THAP8: variants seen among roughly 807,000 people sequenced by gnomAD.
THAP8 encodes the protein THAP domain containing 8, also known as THAP domain-containing protein 8.
In THAP8, 24 loss-of-function variants were observed where a neutral mutation model predicts 25.0. The observed-to-expected ratio is 0.96, with a 90% CI of 0.69 to 1.35. THAP8 has a LOEUF of 1.35. Among genes scored for constraint, THAP8 ranks in the 40% most tolerant of loss-of-function variants. The pLI, the probability that THAP8 is intolerant of heterozygous loss-of-function variation, is 0.00. For missense variants in THAP8, 399 were observed against 368.8 expected (o/e 1.08, Z -0.67); for synonymous variants, 169 against 157.6 (o/e 1.07, Z -0.54).
chr19:36,045,479 G>A (rs2145447281), intron 1 of THAP8, among the ~76,000 whole-genome samples: 1 of 152,074 alleles, frequency 6.6e-6, no homozygotes, highest in African/African-American at 2.4e-5. Context: ...TTGTTGCCCA[G>A]GCTGGTCTCA....
Position 36,035,600 on chromosome 19 carries a change from AAAG to A in THAP8, c.673-11_673-9del, listed in dbSNP as rs770009429. ...AAGGGTCTGGGCTGTTGTCTAAGGC[AAAG>A]AAGTGGTAGAGATGGGGAACATTAC... On this transcript the variant is annotated splice_polypyrimidine_tract_variant and intron_variant, in intron 3 of 3. Transcript: ENST00000292894. The A allele has an allele frequency of 1.2e-5, 20 of 1,611,222 alleles. No homozygotes were observed. Among genetic ancestry groups the A allele is most frequent in the Non-Finnish European group, 1.6e-5 (19 of 1,177,994 alleles).
At chr19:36,043,844 C>T (rs140304428) in intron 1 of THAP8, among the ~76,000 whole-genome samples, 102 of 152,162 alleles carry the variant, frequency 6.7e-4, no homozygotes, top group African/African-American at 2.2e-3. Context: ...GTCGAGATCA[C>T]GCCACTGCAC....
Position 36,037,343 on chromosome 19 carries a change from TACACACAC to T in THAP8, c.673-1759_673-1752del, listed in dbSNP as rs58349186. 9.3e-3 allele frequency among the ~76,000 whole-genome samples: 1,065 copies of T among 114,814 alleles called. 12 individuals carry two copies. Among genetic ancestry groups the T allele is most frequent in the African/African-American group, 0.023 (707 of 30,290 alleles). 75.3% of individuals were successfully genotyped at this position (114,814 alleles called of 152,430 possible). On this transcript the variant is annotated intron_variant, in intron 3 of 3. Coordinates refer to ENST00000292894, the MANE Select transcript of THAP8 (RefSeq NM_152658.3). Reference sequence around the variant, plus strand: ...AAACACCTTCCTCAAATTCCTCCCCTACACACACACACACACACACACACACACACACA... The same window carrying T: ...AAACACCTTCCTCAAATTCCTCCCCTACACACACACACACACACACACACA...
chr19:36,050,893 C>T (rs1315054642), intron 1 of THAP8, among the ~76,000 whole-genome samples: 1 of 152,166 alleles, frequency 6.6e-6, no homozygotes, highest in Non-Finnish European at 1.5e-5. Flanking sequence ...AAGGCATTCA[C>T]CAAATCCACC....
At position 36,035,500 on chromosome 19, in the gene THAP8, A is replaced by T. The variant is rs555650879; in HGVS notation, c.765T>A (p.Pro255=). 3.7e-5 allele frequency: 59 copies of T among 1,614,132 alleles called. No individual in the cohort carries two copies. The African/African-American group carries it at 5.5e-4, about 15-fold the overall frequency. Residue 255 remains proline, a synonymous_variant, in exon 4 of 4, where the codon CCT becomes CCA. Transcript: ENST00000292894. ...GCTTGGCATCCACTGTGGCAGGTGC[A>T]GGGTCCTGGGCAAGGACCATGGCTA... ...PDIAMVLAQD[P]APATVDAKPE...
At chr19:36,044,500 T>G (rs765749773) in intron 1 of THAP8, among the ~76,000 whole-genome samples, 3 of 151,444 alleles carry the variant, frequency 2.0e-5, no homozygotes, top group African/African-American at 4.8e-5. Flanking sequence ...TTTTCTTTCT[T>G]TTTTTTTGAG....
At chr19:36,054,592 C>G, upstream of THAP8, 1 of 539,768 alleles carries the variant, frequency 1.9e-6, no homozygotes, top group Non-Finnish European at 3.3e-6. Flanking sequence ...TACATCCGGG[C>G]AACCGTTGGG....
At chr19:36,036,459 A>G (rs113466237) in intron 3 of THAP8, among the ~76,000 whole-genome samples, 1,771 of 152,096 alleles carry the variant, frequency 0.012, 15 homozygotes, top group South Asian at 0.04. Context: ...TTGTAGAGAC[A>G]GGGTTTCACC....
At chr19:36,043,672 T>C (rs1021266614) in intron 1 of THAP8, among the ~76,000 whole-genome samples, 2 of 152,114 alleles carry the variant, frequency 1.3e-5, no homozygotes, top group Admixed American at 6.6e-5. Flanking sequence ...TCAAGTGATT[T>C]TGAATTCAAG....
Position 36,039,403 on chromosome 19 carries a change from G to C in THAP8, c.592C>G (p.Leu198Val). The C allele has an allele frequency of 6.4e-7, 1 of 1,552,956 alleles. No homozygotes were observed. The highest frequency in any genetic ancestry group is 8.7e-7 in the Non-Finnish European group (1 of 1,151,444). ...TGTGCCAGCCGTTCCAGGGCCTGCA[G>C]CTGCGCCTGGTGCCGCTCCTGGCAC... ...QRCQERHQAQ[L>V]QALERLAQQL... The change falls in exon 3 of 4, where the codon CTG becomes GTG. Residue 198 changes from leucine (L) to valine (V), a missense_variant. Leu to Val is a conservative substitution (Grantham distance 32). Transcript: ENST00000292894.
Position 36,035,054 on chromosome 19 carries a change from G to A in THAP8, c.*386C>T, listed in dbSNP as rs1269646919. The stretch of plus-strand genomic sequence containing the variant: ...TACTCAAGTAGAATGAGCACCATGA[G>A]GGCAGGGATTTTCTCAGCTGTGTCC... On this transcript the variant is annotated 3_prime_UTR_variant, in exon 4 of 4. Coordinates refer to ENST00000292894, the MANE Select transcript of THAP8 (RefSeq NM_152658.3). 1 of 175,788 alleles carries A rather than the reference G, an allele frequency of 5.7e-6. No individual in the cohort carries two copies. The highest frequency in any genetic ancestry group is 1.2e-5 in the Non-Finnish European group (1 of 83,740). 10.9% of individuals were successfully genotyped at this position (175,788 alleles called of 1,614,324 possible).
At chr19:36,048,856 A>C (rs1040518759) in intron 1 of THAP8, among the ~76,000 whole-genome samples, 33 of 129,740 alleles carry the variant, frequency 2.5e-4, no homozygotes, top group East Asian at 4.7e-4. Flanking sequence ...AAAAAAAAAA[A>C]CAAAAAAACA....
At chr19:36,045,149 G>A (rs1480786819) in intron 1 of THAP8, among the ~76,000 whole-genome samples, 5 of 151,888 alleles carry the variant, frequency 3.3e-5, no homozygotes, top group Admixed American at 6.6e-5. Context: ...GTGCAGCGGC[G>A]CAATCTCGGC....
chr19:36,035,425 T>G lies in THAP8; in HGVS notation c.*15A>C, dbSNP rs2052367451. 6.2e-7 allele frequency: 1 copy of G among 1,605,994 alleles called. No individual in the cohort carries two copies. The highest frequency in any genetic ancestry group is 8.5e-7 in the Non-Finnish European group (1 of 1,174,222). On this transcript the variant is annotated 3_prime_UTR_variant, in exon 4 of 4. Coordinates refer to ENST00000292894, the MANE Select transcript of THAP8 (RefSeq NM_152658.3). ...TCTTCTATCTTTTGTCCCTCGACAT[T>G]GTCTGTCTTGATCCTTATGCACTGG... is the stretch of plus-strand genomic sequence containing the variant.
At chr19:36,037,343 T>TACACACACACACACACACACAC (rs58349186) in intron 3 of THAP8, among the ~76,000 whole-genome samples, 3 of 114,760 alleles carry the variant, frequency 2.6e-5, no homozygotes, top group African/African-American at 9.9e-5. Context: ...ATTCCTCCCC[T>TACACACACACACACACACACAC]ACACACACAC....
chr19:36,037,911 T>C (rs1371184774), intron 3 of THAP8, among the ~76,000 whole-genome samples: 1 of 152,098 alleles, frequency 6.6e-6, no homozygotes, highest in Non-Finnish European at 1.5e-5. Context: ...GTGCTGAGGT[T>C]ATAGGCATGA....
intron 1 of THAP8, among the ~76,000 whole-genome samples, chr19:36,051,674 C>T (rs1970058473): frequency 6.6e-6 from 1 of 152,130 alleles, no homozygotes; most frequent in African/African-American, 2.4e-5. Flanking sequence ...CCCACTTAGG[C>T]TAAGACCACC....
At position 36,035,412 on chromosome 19, in the gene THAP8, T is replaced by A; in HGVS notation, c.*28A>T. ...CTTTCCTCCTCCATCTTCTATCTTT[T>A]GTCCCTCGACATTGTCTGTCTTGAT... On this transcript the variant is annotated 3_prime_UTR_variant, in exon 4 of 4. Transcript: ENST00000292894. 6.3e-7 allele frequency: 1 copy of A among 1,598,948 alleles called. No homozygotes were observed. Among genetic ancestry groups the A allele is most frequent in the Middle Eastern group, 1.7e-4 (1 of 6,012 alleles).
chr19:36,048,415 G>A (rs1969946736), intron 1 of THAP8, among the ~76,000 whole-genome samples: 1 of 151,558 alleles, frequency 6.6e-6, no homozygotes, highest in Non-Finnish European at 1.5e-5. Flanking sequence ...GCCTAGGCTG[G>A]AGTGCAGTGG....
Sources: gnomAD v4.1 joint callset for allele counts (sites outside exome capture counted in the v4.1 genomes callset) on GRCh38, gnomAD v4.1.1 for gene constraint, MANE v1.5 for transcripts, NCBI Gene and HGNC (gene_info 2026-07-23, HGNC 2026-07-21) for gene names.